The following RARRES1 variants were observed in gnomAD, a reference collection of about 807,000 sequenced individuals.
The protein encoded by RARRES1 is retinoic acid receptor responder protein 1.
Under a neutral mutation model 30.6 loss-of-function variants are expected in RARRES1, and 34 were observed. That is an observed-to-expected ratio of 1.11 (90% CI 0.84 to 1.48). The LOEUF is 1.48. RARRES1 is among the 40% of genes most tolerant of loss of function. The pLI is 0.00. For missense variants in RARRES1, 373 were observed against 386.5 expected (o/e 0.97, Z 0.29); for synonymous variants, 153 against 155.5 (o/e 0.98, Z 0.12).
chr3:158,703,529 G>C (rs1726804663), intron 4 of RARRES1, among the ~76,000 whole-genome samples: 1 of 152,166 alleles, frequency 6.6e-6, no homozygotes, highest in Middle Eastern at 3.4e-3. Context: ...TGAAAGGATG[G>C]AATGTCCACT....
chr3:158,724,195 G>A (rs1727602693), intron 1 of RARRES1, among the ~76,000 whole-genome samples: 1 of 152,206 alleles, frequency 6.6e-6, no homozygotes, highest in East Asian at 1.9e-4. Context: ...TCTGGGTACC[G>A]GCATATGTCG....
intron 1 of RARRES1, among the ~76,000 whole-genome samples, chr3:158,730,671 A>G (rs964029669): frequency 6.6e-6 from 1 of 152,008 alleles, no homozygotes; most frequent in Admixed American, 6.6e-5. Context: ...AGACTGGTCT[A>G]CAACTCCTGA....
intron 3 of RARRES1, among the ~76,000 whole-genome samples, chr3:158,709,654 G>T (rs1163110382): frequency 6.6e-6 from 1 of 152,248 alleles, no homozygotes; most frequent in Non-Finnish European, 1.5e-5. Context: ...AGAGCCTCCA[G>T]TGTTGACATG....
chr3:158,721,938 G>A lies in RARRES1; in HGVS notation c.277-8079C>T, dbSNP rs754559718. 4.6e-5 allele frequency among the ~76,000 whole-genome samples: 7 copies of A among 151,958 alleles called. No homozygotes were observed. The South Asian group carries it at 6.2e-4, about 14-fold the overall frequency. ...GAAACCCCATCTCTACTAAAAATACGAAATTAGCTGGGCGTGGTGGCGCAC... is the reference window on the plus strand; with the variant it reads ...GAAACCCCATCTCTACTAAAAATACAAAATTAGCTGGGCGTGGTGGCGCAC... On this transcript the variant is annotated intron_variant, in intron 1 of 5. Coordinates refer to ENST00000237696, the MANE Select transcript of RARRES1 (RefSeq NM_206963.2).
chr3:158,709,767 T>C (rs569103517), intron 3 of RARRES1, among the ~76,000 whole-genome samples: 3 of 152,216 alleles, frequency 2.0e-5, no homozygotes, highest in African/African-American at 4.8e-5. Flanking sequence ...GAGATGACTT[T>C]CGTGGTTTTG....
intron 1 of RARRES1, among the ~76,000 whole-genome samples, chr3:158,714,663 T>G (rs1727261074): frequency 6.6e-6 from 1 of 152,274 alleles, no homozygotes; most frequent in Non-Finnish European, 1.5e-5. Context: ...TATACATATC[T>G]ATGTCATTGC....
At chr3:158,720,047 T>G (rs1208691842) in intron 1 of RARRES1, among the ~76,000 whole-genome samples, 1 of 152,150 alleles carries the variant, frequency 6.6e-6, no homozygotes, top group Non-Finnish European at 1.5e-5. Flanking sequence ...ATGATTGTTA[T>G]CACCATTTTA....
At chr3:158,717,052 G>A (rs1039943278) in intron 1 of RARRES1, among the ~76,000 whole-genome samples, 1 of 152,236 alleles carries the variant, frequency 6.6e-6, no homozygotes, top group Non-Finnish European at 1.5e-5. Context: ...CTGGTGAGAT[G>A]AGCCGCACAG....
intron 3 of RARRES1, among the ~76,000 whole-genome samples, chr3:158,708,380 G>C (rs994455874): frequency 6.6e-6 from 1 of 152,256 alleles, no homozygotes; most frequent in African/African-American, 2.4e-5. Flanking sequence ...ATTTGAAAGG[G>C]TAAGTGCTGG....
At chr3:158,728,536 G>GTTTTTTTTTTTTTTCTTTTTTTTTTTTT in intron 1 of RARRES1, among the ~76,000 whole-genome samples, 1 of 141,692 alleles carries the variant, frequency 7.1e-6, no homozygotes. Context: ...TTTTTTTTTG[G>GTTTTTTTTTTTTTTCTTTTTTTTTTTTT]TTTTTGAGAC....
At chr3:158,729,060 G>A in intron 1 of RARRES1, among the ~76,000 whole-genome samples, 1 of 152,002 alleles carries the variant, frequency 6.6e-6, no homozygotes, top group East Asian at 1.9e-4. Context: ...CATAGCTAAT[G>A]GATGAACAGA....
Position 158,710,622 on chromosome 3 carries a change from A to G in RARRES1, c.535+116T>C, listed in dbSNP as rs1025958123. On this transcript the variant is annotated intron_variant, in intron 3 of 5. Coordinates refer to ENST00000237696, the MANE Select transcript of RARRES1 (RefSeq NM_206963.2). ...TGTTTAAATTATGAGGGATACCACA[A>G]TATTTAGTTGAATGAAAGTGCCACT... The G allele has an allele frequency of 1.0e-5, 10 of 956,206 alleles. No homozygotes were observed. In the Admixed American group the frequency reaches 2.8e-4, roughly 27 times the overall value. 59.2% of individuals were successfully genotyped at this position (956,206 alleles called of 1,614,324 possible). A position where few individuals can be genotyped will look rare whatever the true frequency, so the allele number is the denominator to read the frequency against.
chr3:158,728,434 T>C (rs1275500702), intron 1 of RARRES1, among the ~76,000 whole-genome samples: 1 of 152,010 alleles, frequency 6.6e-6, no homozygotes, highest in Non-Finnish European at 1.5e-5. Flanking sequence ...GTGCAGCAGC[T>C]GAGCACTCAG....
intron 4 of RARRES1, among the ~76,000 whole-genome samples, chr3:158,699,100 T>C (rs1348197523): frequency 6.6e-6 from 1 of 152,170 alleles, no homozygotes; most frequent in Non-Finnish European, 1.5e-5. Flanking sequence ...CATTTTACAA[T>C]CTAGCTCTGC....
intron 3 of RARRES1, among the ~76,000 whole-genome samples, chr3:158,706,966 G>T (rs1262001680): frequency 6.6e-6 from 1 of 151,994 alleles, no homozygotes. Context: ...GTCAGGAGTT[G>T]AAGACCAGCC....
At chr3:158,709,583 T>C (rs549205934) in intron 3 of RARRES1, among the ~76,000 whole-genome samples, 3 of 152,296 alleles carry the variant, frequency 2.0e-5, no homozygotes, top group African/African-American at 7.2e-5. Flanking sequence ...TTCGAGGTTT[T>C]TAAGGACATT....
rs574609197 is a variant in RARRES1, at chr3:158,719,269, ATTT to A, written c.277-5413_277-5411del. ...CACTAATAACATGGTTTATGCTCTA[ATTT>A]TTTTTTTTTTTTTTTTTGAGACAGA... is the stretch of plus-strand genomic sequence containing the variant. On this transcript the variant is annotated intron_variant, in intron 1 of 5. Transcript: ENST00000237696. 8.7e-3 allele frequency among the ~76,000 whole-genome samples: 1,064 copies of A among 122,108 alleles called. 6 individuals are homozygous for A. The highest frequency in any genetic ancestry group is 0.03 in the African/African-American group (919 of 30,774). The allele number at this position is 122,108 out of a possible 152,430, so 80.1% of individuals were successfully genotyped here.
chr3:158,713,263 C>G (rs1727204849), intron 2 of RARRES1, among the ~76,000 whole-genome samples: 1 of 152,240 alleles, frequency 6.6e-6, no homozygotes, highest in South Asian at 2.1e-4. Flanking sequence ...TCTTTACTCT[C>G]TTCTTGAAAA....
chr3:158,700,911 C>T lies in RARRES1; in HGVS notation c.673-2941G>A, dbSNP rs369808261. Among the ~76,000 whole-genome samples, 9 of 152,242 alleles carry T rather than the reference C, an allele frequency of 5.9e-5. 1 individual carries two copies. The highest frequency in any genetic ancestry group is 3.9e-4 in the East Asian group (2 of 5,182). ...CCATGCCCCTCCACCCTGCTTCCCC[C>T]AAAAGGGAGCAAAGGATCTCTAACA... On this transcript the variant is annotated intron_variant, in intron 4 of 5. Transcript: ENST00000237696.
Sources: allele counts gnomAD v4.1 joint callset (sites outside exome capture counted in the v4.1 genomes callset), GRCh38; gene constraint gnomAD v4.1.1; transcripts MANE v1.5; gene names NCBI Gene and HGNC (gene_info 2026-07-23, HGNC 2026-07-21).